MMS22L: variants seen among roughly 807,000 people sequenced by gnomAD.
MMS22L encodes the protein protein MMS22-like.
In MMS22L, 74 loss-of-function variants were observed where a neutral mutation model predicts 159.1. The observed-to-expected ratio is 0.47, with a 90% CI of 0.39 to 0.56. MMS22L has a LOEUF of 0.56. Among genes scored for constraint, MMS22L ranks in the 20% least tolerant of loss-of-function variants. The probability of loss-of-function intolerance (pLI) is 0.00; values close to 1 mark genes in which losing one functional copy is unlikely to be tolerated. For missense variants in MMS22L, 1,351 were observed against 1,422.1 expected, an observed-to-expected ratio of 0.95 and a Z score of 0.80; for synonymous variants, 517 against 506.9, an observed-to-expected ratio of 1.02 and a Z score of -0.27.
intron 14 of MMS22L, among the ~76,000 whole-genome samples, chr6:97,219,081 T>C (rs933367255): frequency 6.6e-6 from 1 of 152,096 alleles, no homozygotes; most frequent in African/African-American, 2.4e-5. Flanking sequence ...TCCAATCACC[T>C]CTGTCCATTG....
intron 9 of MMS22L, among the ~76,000 whole-genome samples, 161 bp from the exon 10 acceptor site, chr6:97,254,894 T>C (rs1240422202): frequency 6.6e-6 from 1 of 152,180 alleles, no homozygotes; most frequent in Non-Finnish European, 1.5e-5. Context: ...AGAACATAAA[T>C]AGTACTTTAG....
intron 8 of MMS22L, chr6:97,263,698 C>A: frequency 7.6e-6 from 2 of 264,424 alleles, no homozygotes; most frequent in East Asian, 7.6e-5. Flanking sequence ...CCGTGGTCAG[C>A]AAACTTTCTC....
At chr6:97,229,470 A>G (rs1193805007) in intron 13 of MMS22L, 67 bp from the exon 14 acceptor site, 1 of 1,198,082 alleles carries the variant, frequency 8.3e-7, no homozygotes, top group African/African-American at 1.5e-5. Flanking sequence ...CTCTTAAAAG[A>G]AAATTTGTTT....
chr6:97,236,714 G>A (rs555924420), intron 11 of MMS22L, among the ~76,000 whole-genome samples: 1 of 152,200 alleles, frequency 6.6e-6, no homozygotes, highest in African/African-American at 2.4e-5. Flanking sequence ...CACTTTGGGA[G>A]GCCAAGGAGG....
chr6:97,258,506 C>T (rs1814076799), intron 9 of MMS22L, among the ~76,000 whole-genome samples: 2 of 152,034 alleles, frequency 1.3e-5, no homozygotes, highest in Non-Finnish European at 2.9e-5. Context: ...TGGAGGTATG[C>T]ACACACACAC....
Position 97,246,639 on chromosome 6 carries a change from T to TGCC in MMS22L, c.1170_1171insGGC (p.Ser390_Ile391insGly). ...CTTTAATTGCATACCTGAACACTGA[T>TGCC]GGACTTTTTCAGCAGTTCTTCTACA... On this transcript the variant is annotated inframe_insertion, in exon 11 of 25. Transcript: ENST00000683635. The TGCC allele has an allele frequency of 1.9e-6, 3 of 1,611,684 alleles. No homozygotes were observed. Among genetic ancestry groups the TGCC allele is most frequent in the Non-Finnish European group, 2.5e-6 (3 of 1,178,880 alleles).
In MMS22L at chr6:97,231,552, T is replaced by C. The variant is rs1339276023; in HGVS notation, c.1403A>G (p.Asp468Gly). Reference protein sequence around the residue: ...MLEMVKTCCCDKQDQELYKSS... With the variant: ...MLEMVKTCCCGKQDQELYKSS... Reference sequence around the variant, plus strand: ...TTTATATAGTTCCTGATCTTGTTTATCGCAACAGCAAGTCTTCACCATTTC... The same window carrying C: ...TTTATATAGTTCCTGATCTTGTTTACCGCAACAGCAAGTCTTCACCATTTC... Residue 468 changes from aspartate (D) to glycine (G), a missense_variant, in exon 13 of 25, where the codon GAT becomes GGT. By Grantham distance (94) the Asp-to-Gly change is moderately conservative. Coordinates refer to ENST00000683635, the MANE Select transcript of MMS22L (RefSeq NM_001350599.2). The C allele has an allele frequency of 6.2e-7, 1 of 1,613,756 alleles. No homozygotes were observed. Among genetic ancestry groups the C allele is most frequent in the Non-Finnish European group, 8.5e-7 (1 of 1,179,856 alleles).
In MMS22L at chr6:97,229,073, G is replaced by A. The variant is rs375166906; in HGVS notation, c.1860C>T (p.Ile620=). ...CAATGTATATGGAAAGAAGGGTCCA[G>A]ATAGTCTGTCTCTGTACCATTTCCT... ...KNEEMVQRQT[I]WTLLSIYIDG... Residue 620 remains isoleucine, a synonymous_variant, in exon 14 of 25, where the codon ATC becomes ATT. Transcript: ENST00000683635. 187 of 1,614,006 alleles carry A rather than the reference G, an allele frequency of 1.2e-4. No homozygotes were observed. Among genetic ancestry groups the A allele is most frequent in the Non-Finnish European group, 1.5e-4 (175 of 1,179,994 alleles).
At chr6:97,230,761 A>C (rs370542665) in intron 13 of MMS22L, 7 of 152,320 alleles carry the variant, frequency 4.6e-5, no homozygotes, top group African/African-American at 1.7e-4. Context: ...GGCATTTAAA[A>C]CAGTATATGA....
chr6:97,158,406 G>T (rs1802078206), intron 22 of MMS22L, among the ~76,000 whole-genome samples: 1 of 151,850 alleles, frequency 6.6e-6, no homozygotes, highest in Non-Finnish European at 1.5e-5. Flanking sequence ...GTGATGTTAG[G>T]GTGTCAATTT....
chr6:97,212,895 T>C (rs1011630593), intron 14 of MMS22L, among the ~76,000 whole-genome samples: 3 of 152,198 alleles, frequency 2.0e-5, no homozygotes, highest in African/African-American at 4.8e-5. Flanking sequence ...GCAAATCAAA[T>C]TTTTAAGCAA....
rs769966565 is a variant in MMS22L at position 97,245,882 on chromosome 6, CACACACACAT to C, written c.1182+736_1182+745del. ...ACACACACACACACACACACACACA[CACACACACAT>C]ATAAAGCAATATTATACTACAATAT... On this transcript the variant is annotated intron_variant, in intron 11 of 24. Transcript: ENST00000683635. 521 of 197,498 alleles carry C rather than the reference CACACACACAT, an allele frequency of 2.6e-3. 31 individuals carry two copies. Among genetic ancestry groups the C allele is most frequent in the African/African-American group, 7.0e-3 (259 of 37,048 alleles). 12.2% of individuals were successfully genotyped at this position (197,498 alleles called of 1,614,324 possible).
Position 97,175,618 on chromosome 6 carries a change from A to G in MMS22L, c.2680-2396T>C, listed in dbSNP as rs568345000. 3.9e-5 allele frequency among the ~76,000 whole-genome samples: 6 copies of G among 152,298 alleles called. No homozygotes were observed. The East Asian group carries it at 1.2e-3, about 29-fold the overall frequency. ...TTCGTCATTTGGAAAATTGTGGTTC[A>G]CTGAGTTACACAGCTTCCCAATGTT... is the stretch of plus-strand genomic sequence containing the variant. On this transcript the variant is annotated intron_variant, in intron 18 of 24. Transcript: ENST00000683635.
At position 97,169,589 on chromosome 6, in the gene MMS22L, A is replaced by G. The variant is rs948260881; in HGVS notation, c.2840-1349T>C. Among the ~76,000 whole-genome samples the G allele has an allele frequency of 5.3e-5, 8 of 152,282 alleles. No individual in the cohort carries two copies. The East Asian group carries it at 1.5e-3, about 29-fold the overall frequency. ...CAACAAATTATCACTTTTAAGAACA[A>G]ACAGCAACATTCATCTTTTGTTGTA... On this transcript the variant is annotated intron_variant, in intron 19 of 24. Coordinates refer to ENST00000683635, the MANE Select transcript of MMS22L (RefSeq NM_001350599.2).
At chr6:97,274,616 G>T in intron 4 of MMS22L, among the ~76,000 whole-genome samples, 1 of 152,056 alleles carries the variant, frequency 6.6e-6, no homozygotes, top group Non-Finnish European at 1.5e-5. Flanking sequence ...TCAATATGAG[G>T]AAGAGAACCC....
intron 18 of MMS22L, among the ~76,000 whole-genome samples, chr6:97,174,271 A>AT (rs374520889): frequency 7.6e-4 from 115 of 151,062 alleles, no homozygotes; most frequent in African/African-American, 2.6e-3. Context: ...AAAAAAAAAA[A>AT]AAAAATAAAA....
chr6:97,247,861 A>G (rs1812833946), intron 10 of MMS22L, among the ~76,000 whole-genome samples: 1 of 152,234 alleles, frequency 6.6e-6, no homozygotes, highest in Non-Finnish European at 1.5e-5. Flanking sequence ...AATGATCAAT[A>G]AAGTGTTAAA....
In MMS22L at chr6:97,229,068, G is replaced by A; in HGVS notation, c.1865C>T (p.Thr622Ile). 1 of 1,614,070 alleles carries A rather than the reference G, an allele frequency of 6.2e-7. No individual in the cohort carries two copies. The highest frequency in any genetic ancestry group is 1.1e-5 in the South Asian group (1 of 91,068). Residue 622 changes from threonine (T) to isoleucine (I), a missense_variant, in exon 14 of 25, where the codon ACC becomes ATC. Coordinates refer to ENST00000683635, the MANE Select transcript of MMS22L (RefSeq NM_001350599.2). Reference sequence around the variant, plus strand: ...ACCATCAATGTATATGGAAAGAAGGGTCCAGATAGTCTGTCTCTGTACCAT... The same window carrying A: ...ACCATCAATGTATATGGAAAGAAGGATCCAGATAGTCTGTCTCTGTACCAT... ...EEMVQRQTIWTLLSIYIDGVQ... is the reference protein window; with the variant it reads ...EEMVQRQTIWILLSIYIDGVQ...
intron 14 of MMS22L, among the ~76,000 whole-genome samples, chr6:97,190,281 A>G (rs914148898): frequency 6.6e-6 from 1 of 152,202 alleles, no homozygotes; most frequent in Non-Finnish European, 1.5e-5. Flanking sequence ...TTCAACACAA[A>G]CAGTAGAAAT....
Sources: allele counts gnomAD v4.1 joint callset (sites outside exome capture counted in the v4.1 genomes callset), GRCh38; gene constraint gnomAD v4.1.1; transcripts MANE v1.5; gene names NCBI Gene and HGNC (gene_info 2026-07-23, HGNC 2026-07-21).